FAM78B: variants seen among roughly 807,000 people sequenced by gnomAD.
FAM78B encodes the protein protein FAM78B.
In FAM78B, 10 loss-of-function variants were observed where a neutral mutation model predicts 20.0. The ratio of observed to expected loss-of-function variants is 0.50; its 90% CI spans 0.31 to 0.85. FAM78B has a LOEUF of 0.85. Among genes scored for constraint, FAM78B ranks in the 40% least tolerant of loss-of-function variants. FAM78B has a pLI of 0.05. For synonymous variants in FAM78B, 135 were observed against 132.8 expected (o/e 1.02, Z -0.12); for missense variants, 283 against 345.0 (o/e 0.82, Z 1.42).
intron 1 of FAM78B, among the ~76,000 whole-genome samples, chr1:166,127,923 T>C (rs1023798042): frequency 2.0e-5 from 3 of 152,202 alleles, no homozygotes; most frequent in Non-Finnish European, 4.4e-5. Flanking sequence ...TGGCACACAC[T>C]GACGATTATT....
chr1:166,094,865 T>C (rs1653214008), intron 1 of FAM78B, among the ~76,000 whole-genome samples: 2 of 152,198 alleles, frequency 1.3e-5, no homozygotes, highest in African/African-American at 4.8e-5. Context: ...TATTGAATGC[T>C]GGAGGGTTTA....
At chr1:166,062,310 C>A (rs946211499) in intron 2 of FAM78B, among the ~76,000 whole-genome samples, 1 of 152,178 alleles carries the variant, frequency 6.6e-6, no homozygotes, top group Non-Finnish European at 1.5e-5. Context: ...ATGAACACTG[C>A]ATTTGATACA....
chr1:166,059,013 G>T (rs906690125), exon 3 of FAM78B: 4 of 152,594 alleles, frequency 2.6e-5, no homozygotes, highest in African/African-American at 9.7e-5. Flanking sequence ...CAAGGCTTGG[G>T]TTATAAGACT....
intron 1 of FAM78B, among the ~76,000 whole-genome samples, chr1:166,085,146 TCATCTCATGGACTGTTTTAG>T (rs1652774040): frequency 6.6e-6 from 1 of 152,230 alleles, no homozygotes; most frequent in Non-Finnish European, 1.5e-5. Context: ...CAGTGCATCC[TCATCTCATGGACTGTTTTAG>T]CATCCCATGG....
chr1:166,077,899 T>A (rs1418856773), intron 1 of FAM78B, among the ~76,000 whole-genome samples: 30 of 4,798 alleles, frequency 6.3e-3, no homozygotes, highest in South Asian at 0.021. Flanking sequence ...ATATATATAA[T>A]TTATATATAT....
At chr1:166,081,724 A>C (rs1263931560) in intron 1 of FAM78B, among the ~76,000 whole-genome samples, 1 of 152,106 alleles carries the variant, frequency 6.6e-6, no homozygotes, top group East Asian at 1.9e-4. Flanking sequence ...TGCTTATGCC[A>C]GGCTCTGGGG....
downstream of FAM78B, among the ~76,000 whole-genome samples, chr1:166,056,155 G>A (rs1243812106): frequency 6.6e-6 from 1 of 152,136 alleles, no homozygotes; most frequent in Non-Finnish European, 1.5e-5. Context: ...CTCACCCCAT[G>A]ACATGCATGG....
chr1:166,144,066 G>A (rs1655373730), intron 1 of FAM78B, among the ~76,000 whole-genome samples: 1 of 152,198 alleles, frequency 6.6e-6, no homozygotes, highest in African/African-American at 2.4e-5. Flanking sequence ...ATCCAAAATA[G>A]CTGACAAAAG....
intron 1 of FAM78B, among the ~76,000 whole-genome samples, chr1:166,157,029 GCGGCGGA>G (rs796084567): frequency 2.7e-4 from 11 of 40,406 alleles, no homozygotes; most frequent in African/African-American, 6.6e-4. Flanking sequence ...CGTCAAGGGG[GCGGCGGA>G]GGGGGGGGGG....
At chr1:166,101,102 C>T (rs1205527371) in intron 1 of FAM78B, among the ~76,000 whole-genome samples, 1 of 152,206 alleles carries the variant, frequency 6.6e-6, no homozygotes, top group Admixed American at 6.5e-5. Context: ...GGGCCTCTGG[C>T]AAACTCCAAC....
At chr1:166,147,500 A>G (rs1019586706) in intron 1 of FAM78B, among the ~76,000 whole-genome samples, 1 of 152,228 alleles carries the variant, frequency 6.6e-6, no homozygotes, top group African/African-American at 2.4e-5. Flanking sequence ...ATGGGAAATT[A>G]CAGTATTGTC....
chr1:166,152,628 T>A (rs1655720838), intron 1 of FAM78B, among the ~76,000 whole-genome samples: 1 of 152,074 alleles, frequency 6.6e-6, no homozygotes, highest in African/African-American at 2.4e-5. Flanking sequence ...AAACCCCACA[T>A]GCTCAGGGGA....
At chr1:166,080,912 C>T (rs1652543025) in intron 1 of FAM78B, among the ~76,000 whole-genome samples, 1 of 152,240 alleles carries the variant, frequency 6.6e-6, no homozygotes, top group African/African-American at 2.4e-5. Flanking sequence ...GGCCAGGCGC[C>T]TGTCACCTGG....
chr1:166,090,299 T>C (rs1653016344), intron 1 of FAM78B, among the ~76,000 whole-genome samples: 1 of 151,684 alleles, frequency 6.6e-6, no homozygotes, highest in Non-Finnish European at 1.5e-5. Context: ...ACATACAACA[T>C]TTTCTAAGCC....
At position 166,109,189 on chromosome 1, in the gene FAM78B, C is replaced by T. The variant is rs533868115; in HGVS notation, c.264-38426G>A. Among the ~76,000 whole-genome samples, 21 of 152,226 alleles carry T rather than the reference C, an allele frequency of 1.4e-4. 1 individual carries two copies. In the South Asian group the frequency reaches 4.4e-3, roughly 32 times the overall value. ...CTAATTAAACTAAAGAGCTTTTGCA[C>T]AGCAAAAAGAACAGTCAGCAGAGTA... On this transcript the variant is annotated intron_variant, in intron 1 of 1. Transcript: ENST00000354422.
chr1:166,163,284 C>A (rs1656228193), intron 1 of FAM78B, among the ~76,000 whole-genome samples: 1 of 152,218 alleles, frequency 6.6e-6, no homozygotes, highest in Admixed American at 6.5e-5. Context: ...TCTATAGAAT[C>A]ATTCGAGGAA....
chr1:166,134,723 G>A (rs1009385874), intron 1 of FAM78B, among the ~76,000 whole-genome samples: 5 of 152,020 alleles, frequency 3.3e-5, no homozygotes, highest in Admixed American at 6.6e-5. Context: ...GAGAATATGG[G>A]GGATCCATTC....
intron 1 of FAM78B, chr1:166,081,313 G>T (rs1043126757): frequency 6.6e-6 from 1 of 152,198 alleles, no homozygotes; most frequent in Non-Finnish European, 1.5e-5. Context: ...ACCACGTGGA[G>T]GTCAGGTTAC....
At chr1:166,066,181 T>A (rs1651791589), downstream of FAM78B, among the ~76,000 whole-genome samples, 1 of 152,158 alleles carries the variant, frequency 6.6e-6, no homozygotes, top group Admixed American at 6.5e-5. Flanking sequence ...GGCCTTGTGG[T>A]GCTTAAAGGA....
Sources: gnomAD v4.1 joint callset for allele counts (sites outside exome capture counted in the v4.1 genomes callset) on GRCh38, gnomAD v4.1.1 for gene constraint, MANE v1.5 for transcripts, NCBI Gene and HGNC (gene_info 2026-07-23, HGNC 2026-07-21) for gene names.